The following NT5DC1 variants were observed in gnomAD, a reference collection of about 807,000 sequenced individuals.
NT5DC1 encodes the protein 5'-nucleotidase domain containing 1, also known as 5'-nucleotidase domain-containing protein 1.
A neutral mutation model predicts 59.4 loss-of-function variants in NT5DC1; 42 were observed. The ratio of observed to expected loss-of-function variants is 0.71; its 90% confidence interval spans 0.55 to 0.92. NT5DC1 has a LOEUF of 0.92. Among genes scored for constraint, NT5DC1 ranks in the 40% least tolerant of loss-of-function variants. The pLI, the probability that NT5DC1 is intolerant of heterozygous loss-of-function variation, is 0.00. For synonymous variants in NT5DC1, 172 were observed against 188.1 expected (o/e 0.91, Z 0.70); for missense variants, 501 against 537.1 (o/e 0.93, Z 0.66).
chr6:116,216,526 A>G (rs960972358), intron 6 of NT5DC1, among the ~76,000 whole-genome samples: 1 of 151,946 alleles, frequency 6.6e-6, no homozygotes, highest in African/African-American at 2.4e-5. Flanking sequence ...TTTGTATATT[A>G]TGTTTTTCTC....
At chr6:116,121,707 G>A (rs748536777) in intron 6 of NT5DC1, 8 of 1,614,052 alleles carry the variant, frequency 5.0e-6, no homozygotes, top group Non-Finnish European at 6.8e-6. Context: ...GGGCCCCGGG[G>A]TCCTGGTAGG....
rs578258141 is a variant in NT5DC1 at position 116,122,113 on chromosome 6, A to G, written c.529+4168A>G. ...ACAGTCTGAAATGGTTTTAGATTAT[A>G]TGTTTTATACTGTTTTAAAAAATTC... On this transcript the variant is annotated intron_variant, in intron 6 of 11. Transcript: ENST00000319550. 5 of 811,506 alleles carry G rather than the reference A, an allele frequency of 6.2e-6. No individual in the cohort carries two copies. The African/African-American group carries it at 8.4e-5, about 14-fold the overall frequency. 50.3% of individuals were successfully genotyped at this position (811,506 alleles called of 1,614,324 possible). A position where few individuals can be genotyped will look rare whatever the true frequency, so the allele number is the denominator to read the frequency against.
rs73772275 is a variant in NT5DC1 at position 116,141,798 on chromosome 6, T to C, written c.529+23853T>C. Among the ~76,000 whole-genome samples, 723 of 151,136 alleles carry C rather than the reference T, an allele frequency of 4.8e-3. 12 individuals are homozygous for C. Among genetic ancestry groups the C allele is most frequent in the South Asian group, 0.042 (202 of 4,780 alleles). ...TTTTGGTTTCCAGCAGGAGAATGTT[T>C]CCAGTTGAGGATTATGATAAGCATT... On this transcript the variant is annotated intron_variant, in intron 6 of 11. Coordinates refer to ENST00000319550, the MANE Select transcript of NT5DC1 (RefSeq NM_152729.3).
intron 6 of NT5DC1, among the ~76,000 whole-genome samples, chr6:116,203,622 AC>A (rs1465018946): frequency 6.6e-6 from 1 of 151,760 alleles, no homozygotes; most frequent in Non-Finnish European, 1.5e-5. Flanking sequence ...TATTCATCCT[AC>A]CCTTGGTAGA....
intron 6 of NT5DC1, among the ~76,000 whole-genome samples, chr6:116,139,835 T>C (rs998329912): frequency 1.3e-5 from 2 of 152,166 alleles, no homozygotes; most frequent in African/African-American, 4.8e-5. Flanking sequence ...AGTTGTGTCT[T>C]TGAGACCTAG....
chr6:116,104,713 T>C (rs1778735352), intron 1 of NT5DC1, among the ~76,000 whole-genome samples: 1 of 152,250 alleles, frequency 6.6e-6, no homozygotes, highest in Non-Finnish European at 1.5e-5. Flanking sequence ...TGTGCCAGGC[T>C]CTGCTCTAAG....
At chr6:116,141,885 A>AACAC (rs3051942) in intron 6 of NT5DC1, among the ~76,000 whole-genome samples, 13,820 of 140,286 alleles carry the variant, frequency 0.099, 809 homozygotes, top group African/African-American at 0.14. Context: ...CCAAAAAGAA[A>AACAC]ACACACACAC....
intron 6 of NT5DC1, among the ~76,000 whole-genome samples, chr6:116,208,787 G>A (rs2114522649): frequency 6.6e-6 from 1 of 152,062 alleles, no homozygotes; most frequent in African/African-American, 2.4e-5. Context: ...AATAAAGTGT[G>A]CTAAAATCAT....
intron 8 of NT5DC1, among the ~76,000 whole-genome samples, chr6:116,233,939 T>C (rs1414448132): frequency 2.0e-5 from 3 of 151,872 alleles, no homozygotes; most frequent in African/African-American, 7.2e-5. Context: ...TATTTTTTTC[T>C]ATATCTTCTA....
chr6:116,117,756 C>A, intron 5 of NT5DC1, 105 bp from the exon 6 acceptor site: 1 of 638,418 alleles, frequency 1.6e-6, no homozygotes, highest in Non-Finnish European at 2.8e-6. Flanking sequence ...TAAGTCTAAC[C>A]ATCTTAAGTC....
intron 6 of NT5DC1, among the ~76,000 whole-genome samples, chr6:116,203,951 G>C (rs1781395430): frequency 6.6e-6 from 1 of 151,760 alleles, no homozygotes; most frequent in Non-Finnish European, 1.5e-5. Flanking sequence ...AGTAGTTTTA[G>C]ACGACAGATG....
At chr6:116,188,998 C>T (rs1025270916) in intron 6 of NT5DC1, among the ~76,000 whole-genome samples, 1 of 151,888 alleles carries the variant, frequency 6.6e-6, no homozygotes, top group Non-Finnish European at 1.5e-5. Flanking sequence ...TAGAACTTCA[C>T]TGTATTTAAA....
At chr6:116,101,684 G>A (rs9387383) in intron 1 of NT5DC1, among the ~76,000 whole-genome samples, 77,240 of 152,016 alleles carry the variant, frequency 0.51, 20,726 homozygotes, top group East Asian at 0.76. Context: ...AACAGTCTGC[G>A]AAGTTTGGGT....
intron 11 of NT5DC1, among the ~76,000 whole-genome samples, chr6:116,242,069 A>T (rs942677933): frequency 5.9e-5 from 9 of 152,082 alleles, no homozygotes; most frequent in South Asian, 2.1e-4. Context: ...AGCCAATTTT[A>T]AAAAAATAAC....
intron 6 of NT5DC1, among the ~76,000 whole-genome samples, chr6:116,160,386 A>G (rs1037608021): frequency 1.3e-5 from 2 of 151,978 alleles, no homozygotes; most frequent in African/African-American, 4.8e-5. Flanking sequence ...AGCATTTTCC[A>G]TATGTTTGTT....
rs1771852761 is a variant in NT5DC1, at chr6:116,246,530, A to G, written c.*2506A>G. 6.6e-6 allele frequency: 1 copy of G among 151,984 alleles called. No individual in the cohort carries two copies. Among genetic ancestry groups the G allele is most frequent in the Admixed American group, 6.6e-5 (1 of 15,252 alleles). The allele number at this position is 151,984 out of a possible 1,614,324, so 9.4% of individuals were successfully genotyped here. A position where few individuals can be genotyped will look rare whatever the true frequency, so the allele number is the denominator to read the frequency against. On this transcript the variant is annotated 3_prime_UTR_variant, in exon 12 of 12. Transcript: ENST00000319550. ...CTGGTTTGAATGAAAATAAATTTATATAATTATTTTATATAACAAATCAGC... is the reference window on the plus strand; with the variant it reads ...CTGGTTTGAATGAAAATAAATTTATGTAATTATTTTATATAACAAATCAGC...
At position 116,239,833 on chromosome 6, in the gene NT5DC1, GAT is replaced by G. The variant is rs541031861; in HGVS notation, c.1252+713_1252+714del. On this transcript the variant is annotated intron_variant, in intron 11 of 11. Transcript: ENST00000319550. Reference sequence around the variant, plus strand: ...AATGAAAAATAGCCGGGCACATAAAGATATGAGACCACACTAACAGAAATAAC... The same window carrying G: ...AATGAAAAATAGCCGGGCACATAAAGATGAGACCACACTAACAGAAATAAC... 5.5e-3 allele frequency among the ~76,000 whole-genome samples: 838 copies of G among 152,214 alleles called. 5 individuals are homozygous for G. The highest frequency in any genetic ancestry group is 8.8e-3 in the Non-Finnish European group (600 of 67,996).
chr6:116,200,875 T>A (rs1781333393), intron 6 of NT5DC1, among the ~76,000 whole-genome samples: 1 of 152,066 alleles, frequency 6.6e-6, no homozygotes, highest in Non-Finnish European at 1.5e-5. Flanking sequence ...AATCCACATA[T>A]GCTCCCTTCT....
At chr6:116,191,808 A>G (rs960563525) in intron 6 of NT5DC1, among the ~76,000 whole-genome samples, 3 of 152,132 alleles carry the variant, frequency 2.0e-5, no homozygotes, top group African/African-American at 7.2e-5. Flanking sequence ...CAGTATTTAT[A>G]TATTTGTATT....
Sources: gnomAD v4.1 joint callset for allele counts (sites outside exome capture counted in the v4.1 genomes callset) on GRCh38, gnomAD v4.1.1 for gene constraint, MANE v1.5 for transcripts, NCBI Gene and HGNC (gene_info 2026-07-23, HGNC 2026-07-21) for gene names.